ENAH: variants seen among roughly 807,000 people sequenced by gnomAD.
ENAH encodes the protein ENAH actin regulator, also known as protein enabled homolog.
ENAH carries 23 observed loss-of-function variants against 78.7 expected under a neutral mutation model. The ratio of observed to expected loss-of-function variants is 0.29; its 90% CI spans 0.21 to 0.41. The LOEUF (loss-of-function observed/expected upper bound fraction) is 0.41, where lower values mean the gene tolerates loss of function less well. Ranked by LOEUF, ENAH falls within the 10% of genes least tolerant of loss-of-function variation. The probability of loss-of-function intolerance (pLI) is 1.00; values close to 1 mark genes in which losing one functional copy is unlikely to be tolerated. For missense variants in ENAH, 544 were observed against 691.0 expected (o/e 0.79, Z 2.39); for synonymous variants, 226 against 241.0 (o/e 0.94, Z 0.58).
rs1343563296 is a variant in ENAH at position 225,493,758 on chromosome 1, G to A, written c.*4017C>T. 1 of 152,000 alleles carries A rather than the reference G, an allele frequency of 6.6e-6. No individual in the cohort carries two copies. Among genetic ancestry groups the A allele is most frequent in the East Asian group, 1.9e-4 (1 of 5,186 alleles). The allele number at this position is 152,000 out of a possible 1,614,324, so 9.4% of individuals were successfully genotyped here. On this transcript the variant is annotated 3_prime_UTR_variant, in exon 14 of 14. Transcript: ENST00000366843. ...AGTTACTTTTACGCTGCTTATAATC[G>A]GTAGAATTTAAAGGGTAATGGTGTT...
intron 1 of ENAH, among the ~76,000 whole-genome samples, chr1:225,591,787 A>AAT (rs1481960338): frequency 1.3e-5 from 2 of 151,658 alleles, no homozygotes; most frequent in African/African-American, 4.8e-5. Context: ...AAAAAAAAAA[A>AAT]AAAGGGCTTC....
intron 3 of ENAH, among the ~76,000 whole-genome samples, chr1:225,548,443 A>G (rs2096625741): frequency 6.6e-6 from 1 of 152,228 alleles, no homozygotes; most frequent in Admixed American, 6.5e-5. Flanking sequence ...CAGTTTACTT[A>G]AAAACACAAA....
chr1:225,498,456 G>A, intron 12 of ENAH, 52 bp from the exon 13 acceptor site: 1 of 1,143,798 alleles, frequency 8.7e-7, no homozygotes, highest in South Asian at 1.4e-5. Flanking sequence ...TACCACTAAA[G>A]AGATTCTTAC....
chr1:225,533,070 CTGTT>C lies in ENAH; in HGVS notation c.350-2436_350-2433del, dbSNP rs1195935169. On this transcript the variant is annotated intron_variant, in intron 3 of 13. Coordinates refer to ENST00000366843, the MANE Select transcript of ENAH (RefSeq NM_018212.6). The stretch of plus-strand genomic sequence containing the variant: ...CACATCTACATTTAATCTGGTTGTT[CTGTT>C]TGTTTCTTCTTCAAATTGTCAGGTT... Among the ~76,000 whole-genome samples the C allele has an allele frequency of 2.8e-4, 42 of 152,114 alleles. No individual in the cohort carries two copies. In the East Asian group the frequency reaches 7.1e-3, roughly 26 times the overall value.
At chr1:225,511,126 T>A (rs1456504880) in intron 10 of ENAH, among the ~76,000 whole-genome samples, 1 of 152,252 alleles carries the variant, frequency 6.6e-6, no homozygotes, top group Non-Finnish European at 1.5e-5. Flanking sequence ...TGGTTTCTTA[T>A]GGACCACTCT....
chr1:225,628,369 T>C (rs1037292805), intron 1 of ENAH, among the ~76,000 whole-genome samples: 5 of 152,094 alleles, frequency 3.3e-5, no homozygotes, highest in Non-Finnish European at 7.4e-5. Context: ...AGTCTGCAAT[T>C]AGGAGGGGAA....
At chr1:225,553,159 G>A (rs933278031) in intron 3 of ENAH, among the ~76,000 whole-genome samples, 9 of 152,200 alleles carry the variant, frequency 5.9e-5, no homozygotes, top group East Asian at 1.9e-4. Flanking sequence ...ACTCGAACCC[G>A]GGAGGCAGAG....
At chr1:225,542,395 C>T (rs1378864586) in intron 3 of ENAH, among the ~76,000 whole-genome samples, 6 of 152,194 alleles carry the variant, frequency 3.9e-5, no homozygotes, top group Admixed American at 3.9e-4. Flanking sequence ...TTTTTTAGGT[C>T]ATGACTCTCT....
At chr1:225,608,219 A>C (rs1227252356) in intron 1 of ENAH, among the ~76,000 whole-genome samples, 1 of 112,364 alleles carries the variant, frequency 8.9e-6, no homozygotes. Context: ...TATAAAAAAC[A>C]GAAAAAAAAA....
chr1:225,645,942 T>G (rs990956438), intron 1 of ENAH, among the ~76,000 whole-genome samples: 3 of 152,192 alleles, frequency 2.0e-5, no homozygotes, highest in Non-Finnish European at 4.4e-5. Context: ...CAAAGTAGTC[T>G]TTGGAAAAGT....
chr1:225,503,421 A>G, intron 11 of ENAH, among the ~76,000 whole-genome samples: 1 of 152,024 alleles, frequency 6.6e-6, no homozygotes. Flanking sequence ...TCCCACAGGC[A>G]CATGCAACCA....
At chr1:225,513,490 CTG>C (rs2096392756) in intron 7 of ENAH, among the ~76,000 whole-genome samples, 1 of 152,158 alleles carries the variant, frequency 6.6e-6, no homozygotes, top group South Asian at 2.1e-4. Flanking sequence ...AGGAAAAAAA[CTG>C]TCACTAAAGA....
intron 2 of ENAH, among the ~76,000 whole-genome samples, chr1:225,566,263 T>TTTTG (rs56724885): frequency 0.059 from 8,962 of 151,986 alleles, 324 homozygotes; most frequent in Admixed American, 0.11. Context: ...TTGTGTGTTT[T>TTTTG]TTTGTTTGTT....
rs1300500132 is a variant in ENAH, at chr1:225,555,010, T to C, written c.245A>G (p.Asp82Gly). 3 of 1,607,754 alleles carry C rather than the reference T, an allele frequency of 1.9e-6. No individual in the cohort carries two copies. In the African/African-American group the frequency reaches 4.0e-5, roughly 21 times the overall value. Residue 82 changes from aspartate (D) to glycine (G), a missense_variant, in exon 3 of 14, where the codon GAT becomes GGT. Coordinates refer to ENST00000366843, the MANE Select transcript of ENAH (RefSeq NM_018212.6). ...GTTGAGACCATACACCTGTCTAGCA[T>C]CTCGCCACTGGTGGAAGGTCTGTGT... ...QATQTFHQWR[D>G]ARQVYGLNFG...
chr1:225,590,219 C>T lies in ENAH; in HGVS notation c.6-22805G>A, dbSNP rs551456647. On this transcript the variant is annotated intron_variant, in intron 1 of 13. Transcript: ENST00000366843. ...CAAACAGGGGCCAGGCGTGGTGGCT[C>T]ACGCCTATAATCCCAGCACTTTGGG... 1.2e-4 allele frequency among the ~76,000 whole-genome samples: 18 copies of T among 152,186 alleles called. No homozygotes were observed. The South Asian group carries it at 3.7e-3, about 32-fold the overall frequency.
chr1:225,556,227 C>T (rs1372703292), intron 2 of ENAH, among the ~76,000 whole-genome samples: 1 of 152,194 alleles, frequency 6.6e-6, no homozygotes, highest in Non-Finnish European at 1.5e-5. Context: ...TGGGCATATA[C>T]CCAGGAGTGG....
At chr1:225,632,256 T>C (rs1301041219) in intron 1 of ENAH, among the ~76,000 whole-genome samples, 2 of 152,142 alleles carry the variant, frequency 1.3e-5, no homozygotes, top group African/African-American at 4.8e-5. Flanking sequence ...CCCAGCACTT[T>C]GGGAGGCCAA....
chr1:225,640,726 T>G lies in ENAH; in HGVS notation c.5+11960A>C, dbSNP rs1660869730. Among the ~76,000 whole-genome samples the G allele has an allele frequency of 2.0e-5, 3 of 152,172 alleles. No individual in the cohort carries two copies. The South Asian group carries it at 6.2e-4, about 32-fold the overall frequency. ...AGATAACAGTTCTATCAGTGTTAAA[T>G]GAGTTAATAAAGGTTTCATACAGTA... On this transcript the variant is annotated intron_variant, in intron 1 of 13. Coordinates refer to ENST00000366843, the MANE Select transcript of ENAH (RefSeq NM_018212.6).
chr1:225,635,767 A>T (rs996573260), intron 1 of ENAH, among the ~76,000 whole-genome samples: 5 of 152,170 alleles, frequency 3.3e-5, no homozygotes, highest in Non-Finnish European at 5.9e-5. Flanking sequence ...GAGGAAGAAA[A>T]CATCAACTGA....
Sources: gnomAD v4.1 joint callset for allele counts (sites outside exome capture counted in the v4.1 genomes callset) on GRCh38, gnomAD v4.1.1 for gene constraint, MANE v1.5 for transcripts, NCBI Gene and HGNC (gene_info 2026-07-23, HGNC 2026-07-21) for gene names.